Variants in PDE4D observed in about 807,000 individuals in gnomAD.
The protein encoded by PDE4D is 3',5'-cyclic-AMP phosphodiesterase 4D.
Under a neutral mutation model 87.4 loss-of-function variants are expected in PDE4D, and 24 were observed. That is an observed-to-expected ratio of 0.27 (90% confidence interval 0.20 to 0.39). The LOEUF is 0.39. Among genes scored for constraint, PDE4D ranks in the 10% least tolerant of loss-of-function variants. The probability of loss-of-function intolerance (pLI) is 1.00; values close to 1 mark genes in which losing one functional copy is unlikely to be tolerated. For missense variants in PDE4D, 714 were observed against 1,041.0 expected, an observed-to-expected ratio of 0.69 and a Z score of 4.32; for synonymous variants, 384 against 383.2, an observed-to-expected ratio of 1.00 and a Z score of -0.02.
intron 1 of PDE4D, among the ~76,000 whole-genome samples, chr5:59,324,562 G>A (rs1042088995): frequency 1.3e-5 from 2 of 152,102 alleles, no homozygotes; most frequent in Non-Finnish European, 1.5e-5. Flanking sequence ...AAAAGAAGAC[G>A]TAAAAAGAAG....
At chr5:59,268,505 T>C (rs951347385) in intron 1 of PDE4D, among the ~76,000 whole-genome samples, 3 of 152,046 alleles carry the variant, frequency 2.0e-5, no homozygotes, top group African/African-American at 7.2e-5. Context: ...GCCCTTCCCA[T>C]AGGCACCAAT....
At chr5:59,577,894 TAAA>T (rs1389548318) in intron 1 of PDE4D, among the ~76,000 whole-genome samples, 2 of 152,144 alleles carry the variant, frequency 1.3e-5, no homozygotes, top group African/African-American at 4.8e-5. Context: ...CTTGGAGACA[TAAA>T]AGAGAATTTA....
At chr5:60,018,112 TTCA>T (rs1446777676) in intron 2 of PDE4D, among the ~76,000 whole-genome samples, 3 of 152,004 alleles carry the variant, frequency 2.0e-5, no homozygotes, top group Non-Finnish European at 4.4e-5. Context: ...GAAGTGTCTG[TTCA>T]TGTCCATCAG....
chr5:60,507,406 C>T (rs1409010069), intron 1 of PDE4D, among the ~76,000 whole-genome samples: 1 of 152,156 alleles, frequency 6.6e-6, no homozygotes, highest in African/African-American at 2.4e-5. Context: ...AATTCTTAGA[C>T]ACTTTGATTC....
At chr5:59,632,229 G>T (rs1274847788) in intron 1 of PDE4D, among the ~76,000 whole-genome samples, 1 of 152,186 alleles carries the variant, frequency 6.6e-6, no homozygotes, top group Non-Finnish European at 1.5e-5. Flanking sequence ...CTGAAAGAAA[G>T]GTAGCAGCCC....
At chr5:60,329,164 C>T (rs1325234168) in intron 1 of PDE4D, among the ~76,000 whole-genome samples, 1 of 151,970 alleles carries the variant, frequency 6.6e-6, no homozygotes, top group African/African-American at 2.4e-5. Context: ...GTGGTGTCCC[C>T]ACCCAAATCT....
intron 1 of PDE4D, among the ~76,000 whole-genome samples, chr5:59,227,763 G>A (rs2153514955): frequency 6.6e-6 from 1 of 152,306 alleles, no homozygotes; most frequent in African/African-American, 2.4e-5. Flanking sequence ...TGGCAAGGTT[G>A]CAGAGAAAAG....
At position 59,442,328 on chromosome 5, in the gene PDE4D, T is replaced by C. The variant is rs59983793; in HGVS notation, c.456-226360A>G. ...GTGAACACAGACTGGGGAATGAAAATGTGGTTTGACAACATCCAAGTTTTC... is the reference window on the plus strand; with the variant it reads ...GTGAACACAGACTGGGGAATGAAAACGTGGTTTGACAACATCCAAGTTTTC... On this transcript the variant is annotated intron_variant, in intron 1 of 14. Transcript: ENST00000340635. 7.2e-3 allele frequency among the ~76,000 whole-genome samples: 1,094 copies of C among 152,206 alleles called. 15 individuals are homozygous for C. The highest frequency in any genetic ancestry group is 0.024 in the African/African-American group (999 of 41,502).
chr5:59,740,759 T>C (rs752165201), intron 1 of PDE4D, among the ~76,000 whole-genome samples: 7 of 152,134 alleles, frequency 4.6e-5, no homozygotes, highest in Non-Finnish European at 8.8e-5. Flanking sequence ...AGAGATCAAC[T>C]ACCCAACACT....
chr5:59,576,240 G>A (rs946205216), intron 1 of PDE4D, among the ~76,000 whole-genome samples: 1 of 152,140 alleles, frequency 6.6e-6, no homozygotes, highest in Non-Finnish European at 1.5e-5. Flanking sequence ...AGATCATGGA[G>A]AGGTTAGATA....
chr5:59,967,878 A>C (rs542297561), intron 3 of PDE4D, among the ~76,000 whole-genome samples: 119 of 152,266 alleles, frequency 7.8e-4, no homozygotes, highest in African/African-American at 2.7e-3. Flanking sequence ...TGCATAAAGA[A>C]AATGTGGTAC....
Position 59,180,496 on chromosome 5 carries a change from T to C in PDE4D, c.808+99A>G. On this transcript the variant is annotated intron_variant, in intron 5 of 14. Transcript: ENST00000340635. ...AGAAGAAAGAATTTCTTTAACATTTTCAAATTGCAGCATGAAATTGGTGTT... is the reference window on the plus strand; with the variant it reads ...AGAAGAAAGAATTTCTTTAACATTTCCAAATTGCAGCATGAAATTGGTGTT... The C allele has an allele frequency of 3.3e-6, 3 of 921,022 alleles. No homozygotes were observed. The East Asian group carries it at 7.6e-5, about 23-fold the overall frequency. The allele number at this position is 921,022 out of a possible 1,614,324, so 57.1% of individuals were successfully genotyped here. A position where few individuals can be genotyped will look rare whatever the true frequency, so the allele number is the denominator to read the frequency against.
upstream of PDE4D, among the ~76,000 whole-genome samples, chr5:60,491,883 C>T (rs1749552323): frequency 6.6e-6 from 1 of 152,050 alleles, no homozygotes; most frequent in Non-Finnish European, 1.5e-5. Context: ...TAAAAGGGTG[C>T]CACACACAGT....
chr5:60,263,301 G>T (rs576884130), intron 1 of PDE4D, among the ~76,000 whole-genome samples: 4 of 152,262 alleles, frequency 2.6e-5, no homozygotes, highest in African/African-American at 9.6e-5. Flanking sequence ...ATAATGATTT[G>T]ATTTATTCTT....
intron 5 of PDE4D, among the ~76,000 whole-genome samples, chr5:59,146,060 G>A (rs1451538775): frequency 6.6e-6 from 1 of 152,182 alleles, no homozygotes; most frequent in Non-Finnish European, 1.5e-5. Flanking sequence ...CTGGGAGGTG[G>A]AGGTTGCAGT....
intron 1 of PDE4D, among the ~76,000 whole-genome samples, chr5:59,288,510 A>G (rs1165866660): frequency 6.6e-6 from 1 of 152,074 alleles, no homozygotes; most frequent in Non-Finnish European, 1.5e-5. Context: ...AAAAGTTAGA[A>G]AGAGAGATGG....
In PDE4D at chr5:59,648,572, TGATAG is replaced by T. The variant is rs1742854577; in HGVS notation, c.455+244591_455+244595del. Reference sequence around the variant, plus strand: ...AATATTAATGACTAAACACACTAACTGATAGGTTGTGTTTGGACTAACACTGACAG... The same window carrying T: ...AATATTAATGACTAAACACACTAACTGTTGTGTTTGGACTAACACTGACAG... On this transcript the variant is annotated intron_variant, in intron 1 of 14. Transcript: ENST00000340635. Among the ~76,000 whole-genome samples, 3 of 152,234 alleles carry T rather than the reference TGATAG, an allele frequency of 2.0e-5. No homozygotes were observed. In the South Asian group the frequency reaches 6.2e-4, roughly 32 times the overall value.
intron 5 of PDE4D, among the ~76,000 whole-genome samples, chr5:59,079,666 TTAATAA>T (rs148255590): frequency 2.3e-4 from 33 of 146,204 alleles, no homozygotes; most frequent in Non-Finnish European, 3.3e-4. Context: ...CTCTACAAAA[TTAATAA>T]TAATAATAAT....
chr5:59,916,704 G>A (rs1278019353), intron 3 of PDE4D, among the ~76,000 whole-genome samples: 1 of 152,040 alleles, frequency 6.6e-6, no homozygotes, highest in Admixed American at 6.6e-5. Flanking sequence ...CTAGATATTG[G>A]CAACATTTAG....
Sources: allele counts gnomAD v4.1 joint callset (sites outside exome capture counted in the v4.1 genomes callset), GRCh38; gene constraint gnomAD v4.1.1; transcripts MANE v1.5; gene names NCBI Gene and HGNC (gene_info 2026-07-23, HGNC 2026-07-21).